TRANK1: variants seen among roughly 807,000 people sequenced by gnomAD.
The protein encoded by TRANK1 is TPR and ankyrin repeat-containing protein 1.
Under a neutral mutation model 266.0 loss-of-function variants are expected in TRANK1, and 198 were observed. The ratio of observed to expected loss-of-function variants is 0.74; its 90% CI spans 0.66 to 0.84. TRANK1 has a LOEUF of 0.84. TRANK1 is among the 40% of genes least tolerant of loss of function. TRANK1 has a pLI of 0.00. For synonymous variants in TRANK1, 1,396 were observed against 1,384.1 expected (o/e 1.01, Z -0.19); for missense variants, 3,326 against 3,634.6 (o/e 0.92, Z 2.18).
At chr3:36,851,912 G>C in intron 14 of TRANK1, 56 bp from the exon 15 acceptor site, 1 of 1,526,972 alleles carries the variant, frequency 6.5e-7, no homozygotes, top group South Asian at 1.3e-5. Context: ...GTAAGCCTCA[G>C]TCTATTTCTA....
At position 36,892,785 on chromosome 3, in the gene TRANK1, G is replaced by A. The variant is rs189808763; in HGVS notation, c.636+116C>T. On this transcript the variant is annotated intron_variant, in intron 6 of 23. Coordinates refer to ENST00000645898, the MANE Select transcript of TRANK1 (RefSeq NM_001329998.2). ...GGAGGAGGTTACAGTGAGCTATCATGCCACTGCACTCCAGCCTGGGCGAAA... is the reference window on the plus strand; with the variant it reads ...GGAGGAGGTTACAGTGAGCTATCATACCACTGCACTCCAGCCTGGGCGAAA... 597 of 296,720 alleles carry A rather than the reference G, an allele frequency of 2.0e-3. 4 individuals are homozygous for A. The highest frequency in any genetic ancestry group is 3.0e-3 in the Non-Finnish European group (542 of 180,956). 18.4% of individuals were successfully genotyped at this position (296,720 alleles called of 1,614,324 possible). A position where few individuals can be genotyped will look rare whatever the true frequency, so the allele number is the denominator to read the frequency against.
intron 1 of TRANK1, among the ~76,000 whole-genome samples, chr3:36,937,023 G>A (rs1049606971): frequency 1.3e-5 from 2 of 152,018 alleles, no homozygotes; most frequent in African/African-American, 4.8e-5. Flanking sequence ...CTTGAGCCCG[G>A]GAGGCGGAGG....
At chr3:36,940,930 C>T (rs1213453717) in intron 1 of TRANK1, among the ~76,000 whole-genome samples, 3 of 152,120 alleles carry the variant, frequency 2.0e-5, no homozygotes, top group Non-Finnish European at 4.4e-5. Flanking sequence ...GAGTTCAGGC[C>T]AATGAGTCCC....
Position 36,879,671 on chromosome 3 carries a change from TA to T in TRANK1, c.908-5376del, listed in dbSNP as rs1413773564. 3.1e-4 allele frequency among the ~76,000 whole-genome samples: 22 copies of T among 71,758 alleles called. 6 individuals carry two copies. Among genetic ancestry groups the T allele is most frequent in the Non-Finnish European group, 4.9e-4 (19 of 38,810 alleles). 47.1% of individuals were successfully genotyped at this position (71,758 alleles called of 152,430 possible). On this transcript the variant is annotated intron_variant, in intron 8 of 23. Transcript: ENST00000645898. ...ATATATATAAATATATAAATATATA[TA>T]AATATATAAATATATAAATATATAA...
chr3:36,856,751 G>C lies in TRANK1; in HGVS notation c.2971C>G (p.Arg991Gly). 1 of 1,613,990 alleles carries C rather than the reference G, an allele frequency of 6.2e-7. No individual in the cohort carries two copies. Among genetic ancestry groups the C allele is most frequent in the Non-Finnish European group, 8.5e-7 (1 of 1,179,890 alleles). The change falls in exon 13 of 24, where the codon CGT (arginine) becomes GGT (glycine). Residue 991 changes from arginine to glycine, a missense_variant. By Grantham distance (125) the Arg-to-Gly change is moderately radical. Transcript: ENST00000645898. ...QVSANMKIQK[R>G]IPRCYVEDTE... is the part of the protein sequence containing the mutation. Reference sequence around the variant, plus strand: ...TCCTCCACATAGCAGCGAGGTATACGCTTTTGAATTTTCATGTTAGCTGAC... The same window carrying C: ...TCCTCCACATAGCAGCGAGGTATACCCTTTTGAATTTTCATGTTAGCTGAC...
chr3:36,886,388 G>A (rs1296605784), intron 8 of TRANK1, among the ~76,000 whole-genome samples: 1 of 151,908 alleles, frequency 6.6e-6, no homozygotes, highest in Non-Finnish European at 1.5e-5. Context: ...TAGGATTACA[G>A]GCATGAGCCA....
At chr3:36,890,727 C>G (rs902392214) in intron 7 of TRANK1, among the ~76,000 whole-genome samples, 14 of 152,172 alleles carry the variant, frequency 9.2e-5, no homozygotes, top group African/African-American at 2.4e-4. Context: ...CAGACTCCTT[C>G]CTTGGAGTTC....
chr3:36,830,853 C>A lies in TRANK1; in HGVS notation c.8710+20G>T. 6.4e-7 allele frequency: 1 copy of A among 1,564,958 alleles called. No individual in the cohort carries two copies. The highest frequency in any genetic ancestry group is 8.7e-7 in the Non-Finnish European group (1 of 1,153,550). On this transcript the variant is annotated intron_variant, in intron 22 of 23. Coordinates refer to ENST00000645898, the MANE Select transcript of TRANK1 (RefSeq NM_001329998.2). ...CCCAGGTCTCACTCTGCCTGGGCCC[C>A]CATCTCTGCAGACCCTTACCGCCAG... is the stretch of plus-strand genomic sequence containing the variant.
At chr3:36,847,552 C>T (rs1177311792) in intron 15 of TRANK1, among the ~76,000 whole-genome samples, 1 of 152,050 alleles carries the variant, frequency 6.6e-6, no homozygotes, top group African/African-American at 2.4e-5. Context: ...TGAAAATTCC[C>T]CACACACTAC....
rs1452073240 is a variant in TRANK1 at position 36,827,067 on chromosome 3, A to T, written c.*1208T>A. The T allele has an allele frequency of 6.6e-6, 1 of 152,238 alleles. No individual in the cohort carries two copies. The highest frequency in any genetic ancestry group is 1.5e-5 in the Non-Finnish European group (1 of 68,074). 9.4% of individuals were successfully genotyped at this position (152,238 alleles called of 1,614,324 possible). A position where few individuals can be genotyped will look rare whatever the true frequency, so the allele number is the denominator to read the frequency against. ...AAAGCTGGCTCTGCTGTGAGGACAG[A>T]ACAATCAAAGACCAACGTGCACCTT... On this transcript the variant is annotated 3_prime_UTR_variant, in exon 24 of 24. Transcript: ENST00000645898.
At chr3:36,879,741 CAAATATATAAATATATATAAATATATAT>C (rs2079462033) in intron 8 of TRANK1, among the ~76,000 whole-genome samples, 1 of 50,242 alleles carries the variant, frequency 2.0e-5, no homozygotes, top group Non-Finnish European at 3.4e-5. Context: ...TATAAATATA[CAAATATATAAATATATATAAATATATAT>C]AAATATATAT....
intron 5 of TRANK1, among the ~76,000 whole-genome samples, chr3:36,894,978 C>G (rs186097910): frequency 6.6e-6 from 1 of 152,342 alleles, no homozygotes; most frequent in East Asian, 1.9e-4. Flanking sequence ...AAACCTTCCA[C>G]AAACATTACC....
chr3:36,855,430 A>G lies in TRANK1; in HGVS notation c.4292T>C (p.Ile1431Thr), dbSNP rs1329669625. 6.2e-7 allele frequency: 1 copy of G among 1,613,996 alleles called. No homozygotes were observed. Among genetic ancestry groups the G allele is most frequent in the South Asian group, 1.1e-5 (1 of 91,086 alleles). Reference sequence around the variant, plus strand: ...AATCTCATCACCATAGAGCTCGTGGATGGACCATGGGAGCACCCTGAGCTT... The same window carrying G: ...AATCTCATCACCATAGAGCTCGTGGGTGGACCATGGGAGCACCCTGAGCTT... ...LSKLRVLPWS[I>T]HELYGDEIQD... The change falls in exon 13 of 24, where the codon ATC (isoleucine) becomes ACC (threonine). Residue 1431 changes from isoleucine to threonine, a missense_variant. Transcript: ENST00000645898.
In TRANK1 at chr3:36,864,462, C is replaced by A; in HGVS notation, c.1097G>T (p.Gly366Val). 6.5e-7 allele frequency: 1 copy of A among 1,533,984 alleles called. No individual in the cohort carries two copies. The highest frequency in any genetic ancestry group is 1.2e-5 in the South Asian group (1 of 83,156). The change falls in exon 10 of 24, where the codon GGA becomes GTA. Residue 366 changes from glycine (G) to valine (V), a missense_variant. Gly to Val is a moderately radical substitution (Grantham distance 109). Coordinates refer to ENST00000645898, the MANE Select transcript of TRANK1 (RefSeq NM_001329998.2). Reference protein sequence around the residue: ...KDLSGFSNGDGPTSENDIFRK... With the variant: ...KDLSGFSNGDVPTSENDIFRK... The stretch of plus-strand genomic sequence containing the variant: ...GAAAATGTCGTTTTCACTAGTGGGT[C>A]CATCACCATTGCTGAATCCTACAAA...
intron 17 of TRANK1, among the ~76,000 whole-genome samples, chr3:36,843,922 A>G (rs2078881643): frequency 6.6e-6 from 1 of 152,140 alleles, no homozygotes; most frequent in East Asian, 1.9e-4. Context: ...CCCCTGTGAC[A>G]TTTAATTCCC....
Position 36,856,154 on chromosome 3 carries a change from A to T in TRANK1, c.3568T>A (p.Leu1190Ile), listed in dbSNP as rs377449178. 1.9e-6 allele frequency: 3 copies of T among 1,613,674 alleles called. No homozygotes were observed. In the African/African-American group the frequency reaches 4.0e-5, roughly 22 times the overall value. The change falls in exon 13 of 24, where the codon TTA (leucine) becomes ATA (isoleucine). Residue 1190 changes from leucine (L) to isoleucine (I), a missense_variant. Leu to Ile is a conservative substitution (Grantham distance 5). Transcript: ENST00000645898. ...TTCTTGGTCACAAAGATCTGATGTA[A>T]ATGCTCCAGCTGGTGGGGATGTTCT... ...APEHPHQLEH[L>I]HQIFVTKNHV...
At chr3:36,902,784 G>A (rs2079902458) in intron 3 of TRANK1, among the ~76,000 whole-genome samples, 1 of 152,204 alleles carries the variant, frequency 6.6e-6, no homozygotes, top group African/African-American at 2.4e-5. Context: ...ATGAGTTTGG[G>A]TGTAACTATA....
In TRANK1 at chr3:36,898,051, A is replaced by C. The variant is rs146519924; in HGVS notation, c.433+1058T>G. Among the ~76,000 whole-genome samples the C allele has an allele frequency of 7.9e-5, 12 of 152,330 alleles. No individual in the cohort carries two copies. The East Asian group carries it at 2.1e-3, about 27-fold the overall frequency. Reference sequence around the variant, plus strand: ...CCGGGTATTGAGCTTCACAACCCTGACATGGAGCACCCATTATCAGCTTTC... The same window carrying C: ...CCGGGTATTGAGCTTCACAACCCTGCCATGGAGCACCCATTATCAGCTTTC... On this transcript the variant is annotated intron_variant, in intron 4 of 23. Transcript: ENST00000645898.
In TRANK1 at chr3:36,842,709, G is replaced by T; in HGVS notation, c.5193C>A (p.Asp1731Glu). 1 of 1,613,440 alleles carries T rather than the reference G, an allele frequency of 6.2e-7. No homozygotes were observed. Among genetic ancestry groups the T allele is most frequent in the Non-Finnish European group, 8.5e-7 (1 of 1,179,640 alleles). ...VQVVKTDENK[D>E]FDDSMFVKTS... ...TCTTAACGAACATGCTATCATCAAA[G>T]TCTAAAATGAGAAAGAAAAGTGTGT... Residue 1731 changes from aspartate (D) to glutamate (E), a missense_variant and splice_region_variant, in exon 18 of 24, where the codon GAC becomes GAA. Physicochemically the swap from Asp to Glu is conservative, Grantham distance 45 (BLOSUM62 2). Coordinates refer to ENST00000645898, the MANE Select transcript of TRANK1 (RefSeq NM_001329998.2).
Sources: allele counts gnomAD v4.1 joint callset (sites outside exome capture counted in the v4.1 genomes callset), GRCh38; gene constraint gnomAD v4.1.1; transcripts MANE v1.5; gene names NCBI Gene and HGNC (gene_info 2026-07-23, HGNC 2026-07-21).